The following PRKD3 variants were observed in gnomAD, a reference collection of about 807,000 sequenced individuals.
PRKD3 encodes protein kinase D3, also known as serine/threonine-protein kinase D3.
Under a neutral mutation model 99.2 loss-of-function variants are expected in PRKD3, and 47 were observed. The ratio of observed to expected loss-of-function variants is 0.47; its 90% CI spans 0.38 to 0.60. The LOEUF (loss-of-function observed/expected upper bound fraction) is 0.60, where lower values mean the gene tolerates loss of function less well. Among genes scored for constraint, PRKD3 ranks in the 20% least tolerant of loss-of-function variants. The pLI, the probability that PRKD3 is intolerant of heterozygous loss-of-function variation, is 0.00. For missense variants in PRKD3, 1,019 were observed against 1,088.4 expected (o/e 0.94, Z 0.90); for synonymous variants, 392 against 355.4 (o/e 1.10, Z -1.16).
At chr2:37,282,505 T>A (rs1669898561) in intron 7 of PRKD3, 37 bp downstream of exon 7, 1 of 1,307,376 alleles carries the variant, frequency 7.6e-7, no homozygotes, top group African/African-American at 1.5e-5. Context: ...CATGGCCTTT[T>A]CTGATCTTTC....
chr2:37,316,343 G>A lies in PRKD3; in HGVS notation c.182C>T (p.Ser61Leu). Reference protein sequence around the residue: ...TNSRGSVHTVSFLLQIGLTRE... With the variant: ...TNSRGSVHTVLFLLQIGLTRE... ...TGTGAGGCCAATTTGCAGTAGAAAT[G>A]AAACTGTATGCACTGAGCCTCTGGA... is the stretch of plus-strand genomic sequence containing the variant. The change falls in exon 2 of 19, where the codon TCA becomes TTA. Residue 61 changes from serine (S) to leucine (L), a missense_variant. Ser to Leu is a moderately radical substitution (Grantham distance 145). Coordinates refer to ENST00000234179, the MANE Select transcript of PRKD3 (RefSeq NM_005813.6). 2 of 1,614,214 alleles carry A rather than the reference G, an allele frequency of 1.2e-6. No homozygotes were observed. The highest frequency in any genetic ancestry group is 1.7e-6 in the Non-Finnish European group (2 of 1,180,028).
chr2:37,294,634 T>C (rs745314337), intron 2 of PRKD3, among the ~76,000 whole-genome samples: 2 of 152,064 alleles, frequency 1.3e-5, no homozygotes, highest in African/African-American at 2.4e-5. Context: ...CAAGTAAAAA[T>C]ACAGAACCAA....
At chr2:37,302,398 G>A (rs1670976315) in intron 2 of PRKD3, among the ~76,000 whole-genome samples, 1 of 152,012 alleles carries the variant, frequency 6.6e-6, no homozygotes, top group Non-Finnish European at 1.5e-5. Flanking sequence ...TTCATTCTTT[G>A]CTTTTGTATT....
intron 2 of PRKD3, among the ~76,000 whole-genome samples, chr2:37,307,866 A>C (rs1157752309): frequency 6.6e-6 from 1 of 152,186 alleles, no homozygotes; most frequent in East Asian, 1.9e-4. Context: ...TGTTAGAGAT[A>C]TTTTCTTGGG....
chr2:37,305,426 C>T (rs981761464), intron 2 of PRKD3, among the ~76,000 whole-genome samples: 4 of 152,154 alleles, frequency 2.6e-5, no homozygotes, highest in Non-Finnish European at 5.9e-5. Flanking sequence ...CTACCAATTC[C>T]TTTCTCACTC....
At chr2:37,320,674 C>T (rs948126077) in intron 1 of PRKD3, among the ~76,000 whole-genome samples, 9 of 151,912 alleles carry the variant, frequency 5.9e-5, no homozygotes, top group Admixed American at 2.6e-4. Flanking sequence ...TCAAGTGATC[C>T]GCCCATCTCG....
At chr2:37,285,228 T>G (rs1236558521) in intron 6 of PRKD3, among the ~76,000 whole-genome samples, 1 of 152,200 alleles carries the variant, frequency 6.6e-6, no homozygotes, top group Non-Finnish European at 1.5e-5. Flanking sequence ...TTCACTCTAC[T>G]GTGAAAAGTT....
chr2:37,252,979 A>T lies in PRKD3; in HGVS notation c.*198T>A. On this transcript the variant is annotated 3_prime_UTR_variant, in exon 19 of 19. Transcript: ENST00000234179. ...AAAGTTTATAAAAAGCTTCACCTTG[A>T]TTCCATTATGACTTCTTATTATTCA... 2.2e-6 allele frequency: 1 copy of T among 446,460 alleles called. No individual in the cohort carries two copies. Among genetic ancestry groups the T allele is most frequent in the Non-Finnish European group, 3.7e-6 (1 of 270,186 alleles). The allele number at this position is 446,460 out of a possible 1,614,324, so 27.7% of individuals were successfully genotyped here.
At chr2:37,270,246 G>T (rs1330180039) in intron 12 of PRKD3, among the ~76,000 whole-genome samples, 2 of 148,132 alleles carry the variant, frequency 1.4e-5, no homozygotes, top group East Asian at 2.0e-4. Context: ...AAAAAATCTT[G>T]TATTTATTAA....
At chr2:37,276,785 T>G (rs1316333490) in intron 9 of PRKD3, among the ~76,000 whole-genome samples, 1 of 149,978 alleles carries the variant, frequency 6.7e-6, no homozygotes. Flanking sequence ...TGTGTATATA[T>G]GTATATATAC....
chr2:37,317,961 A>G (rs1671733590), intron 1 of PRKD3: 1 of 151,700 alleles, frequency 6.6e-6, no homozygotes, highest in South Asian at 2.1e-4. Context: ...CTAGGAAAGC[A>G]CAGGTCAAAA....
At chr2:37,293,989 C>A (rs191986009) in intron 2 of PRKD3, among the ~76,000 whole-genome samples, 49 of 152,296 alleles carry the variant, frequency 3.2e-4, no homozygotes, top group Admixed American at 1.4e-3. Context: ...TACCATCAGT[C>A]TTGGATCTTA....
intron 7 of PRKD3, 88 bp from the exon 8 acceptor site, chr2:37,280,017 T>A: frequency 1.2e-6 from 1 of 844,982 alleles, no homozygotes; most frequent in Non-Finnish European, 1.8e-6. Flanking sequence ...TCTTAAAATG[T>A]AAGAAAATAT....
In PRKD3 at chr2:37,252,483, A is replaced by T. The variant is rs560199656; in HGVS notation, c.*694T>A. 9 of 152,316 alleles carry T rather than the reference A, an allele frequency of 5.9e-5. No individual in the cohort carries two copies. The highest frequency in any genetic ancestry group is 1.3e-4 in the Non-Finnish European group (9 of 68,026). The allele number at this position is 152,316 out of a possible 1,614,324, so 9.4% of individuals were successfully genotyped here. A position where few individuals can be genotyped will look rare whatever the true frequency, so the allele number is the denominator to read the frequency against. On this transcript the variant is annotated 3_prime_UTR_variant, in exon 19 of 19. Transcript: ENST00000234179. ...CCTAATTATCTTAGAAGCTGTTGCA[A>T]CACACAGAAGGTGACAATCCTTATG...
chr2:37,280,201 T>C (rs2110962), intron 7 of PRKD3, among the ~76,000 whole-genome samples: 109,586 of 151,710 alleles, frequency 0.72, 40,449 homozygotes, highest in East Asian at 0.98. Context: ...CCCACCACCA[T>C]GCCCAGCTAA....
chr2:37,322,212 T>C (rs1241760541), intron 1 of PRKD3, among the ~76,000 whole-genome samples: 1 of 152,250 alleles, frequency 6.6e-6, no homozygotes, highest in East Asian at 1.9e-4. Flanking sequence ...TAGGTTTGAC[T>C]TTGCTTAGTA....
chr2:37,252,505 T>TA lies in PRKD3; in HGVS notation c.*671dup, dbSNP rs1203355007. On this transcript the variant is annotated 3_prime_UTR_variant, in exon 19 of 19. Coordinates refer to ENST00000234179, the MANE Select transcript of PRKD3 (RefSeq NM_005813.6). ...GCAACACACAGAAGGTGACAATCCT[T>TA]ATGCTGTATAGAACATATTCAGAGT... The TA allele has an allele frequency of 2.0e-5, 3 of 152,194 alleles. No homozygotes were observed. The highest frequency in any genetic ancestry group is 4.4e-5 in the Non-Finnish European group (3 of 68,024). 9.4% of individuals were successfully genotyped at this position (152,194 alleles called of 1,614,324 possible). A position where few individuals can be genotyped will look rare whatever the true frequency, so the allele number is the denominator to read the frequency against.
chr2:37,280,856 A>G (rs1669826043), intron 7 of PRKD3, among the ~76,000 whole-genome samples: 1 of 152,258 alleles, frequency 6.6e-6, no homozygotes, highest in Non-Finnish European at 1.5e-5. Context: ...AGCAAATCAT[A>G]TGCCAGATAA....
intron 2 of PRKD3, among the ~76,000 whole-genome samples, chr2:37,312,509 T>G (rs549864606): frequency 6.6e-6 from 1 of 152,238 alleles, no homozygotes; most frequent in Non-Finnish European, 1.5e-5. Flanking sequence ...CCAGCTCTTA[T>G]AGTGTAAATA....
Sources: gnomAD v4.1 joint callset for allele counts (sites outside exome capture counted in the v4.1 genomes callset) on GRCh38, gnomAD v4.1.1 for gene constraint, MANE v1.5 for transcripts, NCBI Gene and HGNC (gene_info 2026-07-23, HGNC 2026-07-21) for gene names.